Variants in GRM5 observed in about 807,000 individuals in gnomAD.
GRM5 encodes glutamate metabotropic receptor 5.
A neutral mutation model predicts 83.1 loss-of-function variants in GRM5; 19 were observed. The ratio of observed to expected loss-of-function variants is 0.23; its 90% CI spans 0.16 to 0.34. The LOEUF (loss-of-function observed/expected upper bound fraction) is 0.34. Ranked by LOEUF, GRM5 falls within the 10% of genes least tolerant of loss-of-function variation. GRM5 has a pLI of 1.00. For missense variants in GRM5, 1,160 were observed against 1,588.3 expected, an observed-to-expected ratio of 0.73 and a Z score of 4.58; for synonymous variants, 675 against 633.6, an observed-to-expected ratio of 1.07 and a Z score of -0.98.
intron 2 of GRM5, among the ~76,000 whole-genome samples, chr11:88,944,663 C>A (rs556350242): frequency 6.6e-6 from 1 of 151,658 alleles, no homozygotes; most frequent in Non-Finnish European, 1.5e-5. Context: ...AAAAAATACA[C>A]TGGATTACAA....
chr11:88,515,614 T>A (rs1035929809), intron 9 of GRM5, among the ~76,000 whole-genome samples: 2 of 152,170 alleles, frequency 1.3e-5, no homozygotes, highest in East Asian at 1.9e-4. Flanking sequence ...AAAATAAATT[T>A]AAAAAAATCT....
At chr11:88,774,333 C>T (rs1478798067) in intron 3 of GRM5, among the ~76,000 whole-genome samples, 1 of 152,164 alleles carries the variant, frequency 6.6e-6, no homozygotes, top group Non-Finnish European at 1.5e-5. Flanking sequence ...TGCTTATCAG[C>T]TTAAGGAGAT....
intron 8 of GRM5, among the ~76,000 whole-genome samples, chr11:88,555,426 T>A (rs549517965): frequency 6.6e-6 from 1 of 152,160 alleles, no homozygotes; most frequent in Non-Finnish European, 1.5e-5. Flanking sequence ...ATGCTGATTG[T>A]AATTATTCTT....
intron 2 of GRM5, among the ~76,000 whole-genome samples, chr11:89,015,204 T>A (rs186362161): frequency 3.0e-4 from 46 of 152,342 alleles, no homozygotes; most frequent in Admixed American, 1.6e-3. Context: ...TAAAATTTCA[T>A]AAGCCTATTT....
chr11:88,850,532 C>T (rs1371913885), intron 2 of GRM5, among the ~76,000 whole-genome samples: 1 of 151,540 alleles, frequency 6.6e-6, no homozygotes, highest in African/African-American at 2.4e-5. Flanking sequence ...ACAATTTCAT[C>T]CCACTGAGAT....
At chr11:88,741,000 A>T (rs1942016997) in intron 3 of GRM5, among the ~76,000 whole-genome samples, 1 of 152,038 alleles carries the variant, frequency 6.6e-6, no homozygotes, top group Non-Finnish European at 1.5e-5. Context: ...CTGCTATAGT[A>T]GATTAGGATT....
At chr11:88,609,227 A>G (rs893488113) in intron 4 of GRM5, among the ~76,000 whole-genome samples, 1 of 152,168 alleles carries the variant, frequency 6.6e-6, no homozygotes, top group African/African-American at 2.4e-5. Flanking sequence ...GCGCCCACTT[A>G]TAAATGAGAA....
chr11:89,045,091 C>T (rs1222108921), intron 2 of GRM5, among the ~76,000 whole-genome samples: 2 of 152,098 alleles, frequency 1.3e-5, no homozygotes, highest in Admixed American at 6.6e-5. Context: ...AGTAAGCAAA[C>T]GAGTATTTCT....
chr11:89,002,471 T>A (rs1464094588), intron 2 of GRM5, among the ~76,000 whole-genome samples: 1 of 152,134 alleles, frequency 6.6e-6, no homozygotes, highest in African/African-American at 2.4e-5. Flanking sequence ...TGCCCCTGAT[T>A]CCCACATAAA....
At chr11:88,589,704 T>A (rs1238985514) in intron 7 of GRM5, among the ~76,000 whole-genome samples, 1 of 152,210 alleles carries the variant, frequency 6.6e-6, no homozygotes, top group Non-Finnish European at 1.5e-5. Flanking sequence ...GCTTTTTTCC[T>A]CTTTTTCTTG....
At position 88,849,441 on chromosome 11, in the gene GRM5, T is replaced by C. The variant is rs146855597; in HGVS notation, c.911+465A>G. Among the ~76,000 whole-genome samples the C allele has an allele frequency of 5.7e-3, 874 of 152,212 alleles. 4 individuals carry two copies. Among genetic ancestry groups the C allele is most frequent in the African/African-American group, 0.02 (813 of 41,542 alleles). ...AGGTCACCAGGCACCTACATTTTTG[T>C]GATATAAAATAACAAGCCAATTTTC... On this transcript the variant is annotated intron_variant, in intron 3 of 9. Transcript: ENST00000305447.
At chr11:89,032,233 G>T (rs1351527548) in intron 2 of GRM5, among the ~76,000 whole-genome samples, 1 of 151,792 alleles carries the variant, frequency 6.6e-6, no homozygotes, top group East Asian at 1.9e-4. Context: ...GATTTACAAA[G>T]GTTAAATAAG....
chr11:88,874,638 C>G (rs1024371560), intron 2 of GRM5, among the ~76,000 whole-genome samples: 7 of 151,712 alleles, frequency 4.6e-5, no homozygotes, highest in African/African-American at 1.7e-4. Context: ...AGGAAAAAAT[C>G]AAGAGTGAAG....
chr11:89,021,120 T>C (rs1253947446), intron 2 of GRM5, among the ~76,000 whole-genome samples: 1 of 152,144 alleles, frequency 6.6e-6, no homozygotes, highest in African/African-American at 2.4e-5. Flanking sequence ...TACAACAGTC[T>C]GATACTCAAT....
intron 2 of GRM5, among the ~76,000 whole-genome samples, chr11:88,853,104 T>C (rs370383017): frequency 1.2e-4 from 19 of 152,090 alleles, no homozygotes; most frequent in Non-Finnish European, 1.9e-4. Flanking sequence ...ACAGAATCCA[T>C]AGAACGTTCT....
chr11:88,788,717 G>C (rs1480943071), intron 3 of GRM5, among the ~76,000 whole-genome samples: 1 of 152,122 alleles, frequency 6.6e-6, no homozygotes, highest in East Asian at 1.9e-4. Context: ...TTCCAATTCT[G>C]TTTAAAGAAA....
chr11:88,782,237 C>T (rs1470443373), intron 3 of GRM5, among the ~76,000 whole-genome samples: 1 of 151,980 alleles, frequency 6.6e-6, no homozygotes, highest in Non-Finnish European at 1.5e-5. Context: ...TTTCACACTG[C>T]TGATAAAGAT....
At chr11:88,936,436 G>T (rs1489449477) in intron 2 of GRM5, among the ~76,000 whole-genome samples, 2 of 151,722 alleles carry the variant, frequency 1.3e-5, no homozygotes, top group Non-Finnish European at 2.9e-5. Context: ...AGATTTATCT[G>T]GGTCATCAAG....
rs114144353 is a variant in GRM5 at position 88,706,898 on chromosome 11, A to C, written c.912-53495T>G. The stretch of plus-strand genomic sequence containing the variant: ...GACAAATGAATGGTGTTTTTGAGGG[A>C]AAGTTCTTGAAGTTGACGATCTTAT... On this transcript the variant is annotated intron_variant, in intron 3 of 9. Coordinates refer to ENST00000305447, the MANE Select transcript of GRM5 (RefSeq NM_001143831.3). Among the ~76,000 whole-genome samples, 861 of 152,166 alleles carry C rather than the reference A, an allele frequency of 5.7e-3. 7 individuals carry two copies. The highest frequency in any genetic ancestry group is 0.019 in the African/African-American group (799 of 41,554).
Sources: allele counts gnomAD v4.1 joint callset (sites outside exome capture counted in the v4.1 genomes callset), GRCh38; gene constraint gnomAD v4.1.1; transcripts MANE v1.5; gene names NCBI Gene and HGNC (gene_info 2026-07-23, HGNC 2026-07-21).